TRMT2A: variants seen among roughly 807,000 people sequenced by gnomAD.
The protein encoded by TRMT2A is tRNA methyltransferase 2A, also known as tRNA (uracil-5-)-methyltransferase homolog A.
In TRMT2A, 60 loss-of-function variants were observed where a neutral mutation model predicts 59.3. The observed-to-expected ratio is 1.01, with a 90% CI of 0.82 to 1.26. The LOEUF is 1.26. TRMT2A is among the 50% of genes most tolerant of loss of function. The pLI is 0.00. For synonymous variants in TRMT2A, 403 were observed against 353.7 expected, an observed-to-expected ratio of 1.14 and a Z score of -1.56; for missense variants, 863 against 845.2, an observed-to-expected ratio of 1.02 and a Z score of -0.26.
At chr22:20,114,317 G>T (rs771281962) in intron 7 of TRMT2A, among the ~76,000 whole-genome samples, 45 of 152,206 alleles carry the variant, frequency 3.0e-4, no homozygotes, top group Admixed American at 5.2e-4. Context: ...CGAGCCCAGA[G>T]CAGTGCCCTG....
At position 20,115,799 on chromosome 22, in the gene TRMT2A, G is replaced by A. The variant is rs1432387987; in HGVS notation, c.600-19C>T. ...GATTTCCCTGTAAGAGGAGCAGATC[G>A]GTGGTTGGACTCCACCTACTGCCCC... On this transcript the variant is annotated intron_variant, in intron 2 of 11. Coordinates refer to ENST00000252136, the MANE Select transcript of TRMT2A (RefSeq NM_022727.6). 6 of 1,596,220 alleles carry A rather than the reference G, an allele frequency of 3.8e-6. No homozygotes were observed. In the South Asian group the frequency reaches 4.4e-5, roughly 12 times the overall value.
chr22:20,117,061 C>A lies in TRMT2A; in HGVS notation c.-155G>T. ...GTGCAACGCCGCGAGGTCGCCGCCACCCCCGGCTTCGCCCCAGGCGGGGCG... is the reference window on the plus strand; with the variant it reads ...GTGCAACGCCGCGAGGTCGCCGCCAACCCCGGCTTCGCCCCAGGCGGGGCG... On this transcript the variant is annotated 5_prime_UTR_variant, in exon 1 of 12. Coordinates refer to ENST00000252136, the MANE Select transcript of TRMT2A (RefSeq NM_022727.6). The A allele has an allele frequency of 1.0e-6, 1 of 974,738 alleles. No homozygotes were observed. The highest frequency in any genetic ancestry group is 2.7e-5 in the East Asian group (1 of 37,582). 60.4% of individuals were successfully genotyped at this position (974,738 alleles called of 1,614,324 possible).
rs759044330 is a variant in TRMT2A at position 20,116,401 on chromosome 22, T to G, written c.236A>C (p.Asn79Thr). 6.2e-7 allele frequency: 1 copy of G among 1,611,864 alleles called. No individual in the cohort carries two copies. Among genetic ancestry groups the G allele is most frequent in the Non-Finnish European group, 8.5e-7 (1 of 1,179,032 alleles). Reference protein sequence around the residue: ...TSEIFKLELQNVPRHASFSDV... With the variant: ...TSEIFKLELQTVPRHASFSDV... ...GCTGAAGCTGGCGTGGCGAGGCACG[T>G]TCTGCAGCTCCAGTTTAAAGATCTC... Residue 79 changes from asparagine (N) to threonine (T), a missense_variant, in exon 2 of 12, where the codon AAC becomes ACC. Asn to Thr is a moderately conservative substitution (Grantham distance 65). Transcript: ENST00000252136.
chr22:20,115,694 C>G lies in TRMT2A; in HGVS notation c.686G>C (p.Gly229Ala), dbSNP rs748274270. The G allele has an allele frequency of 1.2e-6, 2 of 1,612,858 alleles. No individual in the cohort carries two copies. Among genetic ancestry groups the G allele is most frequent in the East Asian group, 4.5e-5 (2 of 44,892 alleles). Residue 229 changes from glycine (G) to alanine (A), a missense_variant, in exon 3 of 12, where the codon GGG (glycine) becomes GCG (alanine). Gly to Ala is a moderately conservative substitution (Grantham distance 60). Coordinates refer to ENST00000252136, the MANE Select transcript of TRMT2A (RefSeq NM_022727.6). ...GACCTGCTGGGGTGATGGCCTGACC[C>G]CCTCCAGCGGGCAGCAGGCCTTGTT... ...KHNKACCPLE[G>A]VRPSPQQTEY...
chr22:20,116,521 A>AGGGCTGCCG lies in TRMT2A; in HGVS notation c.107_115dup (p.Pro36_Ala38dup). On this transcript the variant is annotated inframe_insertion, in exon 2 of 12. Coordinates refer to ENST00000252136, the MANE Select transcript of TRMT2A (RefSeq NM_022727.6). ...AGCGCCCTCTTTCTCCACCTCCTCC[A>AGGGCTGCCG]GGGCTGCCGGGGCTGCAGGGGGCAC... The AGGGCTGCCG allele has an allele frequency of 6.2e-7, 1 of 1,610,366 alleles. No homozygotes were observed. The highest frequency in any genetic ancestry group is 1.3e-5 in the African/African-American group (1 of 74,918).
chr22:20,113,617 CTT>C, intron 8 of TRMT2A, 67 bp downstream of exon 8: 2 of 1,599,956 alleles, frequency 1.3e-6, no homozygotes, highest in Non-Finnish European at 1.7e-6. Flanking sequence ...GCTGTGGTGA[CTT>C]TGAGCTGGGG....
At position 20,115,671 on chromosome 22, in the gene TRMT2A, C is replaced by T; in HGVS notation, c.708+1G>A. 1 of 1,612,866 alleles carries T rather than the reference C, an allele frequency of 6.2e-7. No homozygotes were observed. The highest frequency in any genetic ancestry group is 8.5e-7 in the Non-Finnish European group (1 of 1,179,958). On this transcript the variant is annotated splice_donor_variant, in intron 3 of 11. Transcript: ENST00000252136. LOFTEE classifies it high-confidence loss of function. The stretch of plus-strand genomic sequence containing the variant: ...TTGTGGCCACCGAAGTCTAGTCTGA[C>T]CTGCTGGGGTGATGGCCTGACCCCC...
rs766239077 is a variant in TRMT2A at position 20,114,574 on chromosome 22, C to T, written c.1233G>A (p.Gln411=). 2 of 1,613,318 alleles carry T rather than the reference C, an allele frequency of 1.2e-6. No individual in the cohort carries two copies. Among genetic ancestry groups the T allele is most frequent in the East Asian group, 2.2e-5 (1 of 44,886 alleles). ...ATGCCCACCAGGGACTCATGGCTAC[C>T]TGGAAGAAGGCGTGTGGAGAGATCC... The part of the protein sequence containing the change: ...TFRISPHAFF[Q]VNTPAAEVLY... The change falls in exon 7 of 12, where the codon CAG becomes CAA. Residue 411 remains glutamine (Q), a splice_region_variant and synonymous_variant. Coordinates refer to ENST00000252136, the MANE Select transcript of TRMT2A (RefSeq NM_022727.6).
At position 20,114,925 on chromosome 22, in the gene TRMT2A, T is replaced by C. The variant is rs1161759517; in HGVS notation, c.1005+40A>G. The C allele has an allele frequency of 8.9e-6, 14 of 1,568,468 alleles. No homozygotes were observed. In the East Asian group the frequency reaches 2.8e-4, roughly 32 times the overall value. On this transcript the variant is annotated intron_variant, in intron 5 of 11. Transcript: ENST00000252136. ...CCATCAGGCTGTGCTGAGGCCCACC[T>C]AGGCTAGGCACCCTCCCCCAGCAGG...
chr22:20,113,868 C>G, intron 7 of TRMT2A, 60 bp from the exon 8 acceptor site: 1 of 1,490,982 alleles, frequency 6.7e-7, no homozygotes. Flanking sequence ...CACTGGTGCC[C>G]CGACGCCCAC....
chr22:20,116,413 A>C lies in TRMT2A; in HGVS notation c.224T>G (p.Leu75Arg). 6.2e-7 allele frequency: 1 copy of C among 1,611,858 alleles called. No individual in the cohort carries two copies. Among genetic ancestry groups the C allele is most frequent in the Non-Finnish European group, 8.5e-7 (1 of 1,179,026 alleles). ...GTGGCGAGGCACGTTCTGCAGCTCCAGTTTAAAGATCTCAGAGGTAAACAA... is the reference window on the plus strand; with the variant it reads ...GTGGCGAGGCACGTTCTGCAGCTCCCGTTTAAAGATCTCAGAGGTAAACAA... ...DDLFTSEIFK[L>R]ELQNVPRHAS... The change falls in exon 2 of 12, where the codon CTG (leucine) becomes CGG (arginine). Residue 75 changes from leucine (L) to arginine (R), a missense_variant. Transcript: ENST00000252136.
Position 20,115,065 on chromosome 22 carries a change from G to A in TRMT2A, c.905C>T (p.Ser302Leu), listed in dbSNP as rs777620618. The A allele has an allele frequency of 4.4e-6, 7 of 1,591,886 alleles. No individual in the cohort carries two copies. Among genetic ancestry groups the A allele is most frequent in the South Asian group, 1.1e-5 (1 of 88,320 alleles). Residue 302 changes from serine (S) to leucine (L), a missense_variant, in exon 5 of 12, where the codon TCG (serine) becomes TTG (leucine). Ser to Leu is a moderately radical substitution (Grantham distance 145, BLOSUM62 -2). Coordinates refer to ENST00000252136, the MANE Select transcript of TRMT2A (RefSeq NM_022727.6). ...TGTGTACGTCTCTGGGTCGTATGCCGAGTATGGAGTGGACCTGTGGGAATC... is the reference window on the plus strand; with the variant it reads ...TGTGTACGTCTCTGGGTCGTATGCCAAGTATGGAGTGGACCTGTGGGAATC... ...FQEFIRSTPY[S>L]AYDPETYTGH...
chr22:20,113,736 C>G lies in TRMT2A; in HGVS notation c.1306G>C (p.Val436Leu). 1 of 1,608,308 alleles carries G rather than the reference C, an allele frequency of 6.2e-7. No individual in the cohort carries two copies. The part of the protein sequence containing the change: ...DWAQLDAGSM[V>L]LDVCCGTGTI... ...CCGGTGCCACAGCACACGTCCAGCA[C>G]CATGCTCCCCGCATCCAATTGGGCC... The change falls in exon 8 of 12, where the codon GTG (valine) becomes CTG (leucine). Residue 436 changes from valine to leucine, a missense_variant. Val to Leu is a conservative substitution (Grantham distance 32, BLOSUM62 1). Coordinates refer to ENST00000252136, the MANE Select transcript of TRMT2A (RefSeq NM_022727.6).
intron 5 of TRMT2A, 29 bp downstream of exon 5, chr22:20,114,936 C>G (rs781332087): frequency 4.5e-6 from 7 of 1,570,606 alleles, no homozygotes; most frequent in Non-Finnish European, 6.0e-6. Context: ...AGGCTAGGCA[C>G]CCTCCCCCAG....
In TRMT2A at chr22:20,112,940, G is replaced by T; in HGVS notation, c.1617C>A (p.Asn539Lys). 2 of 1,613,756 alleles carry T rather than the reference G, an allele frequency of 1.2e-6. No homozygotes were observed. The highest frequency in any genetic ancestry group is 1.7e-6 in the Non-Finnish European group (2 of 1,179,950). ...NLRRLLYVSCNPRAAMGNFVD... is the reference protein window; with the variant it reads ...NLRRLLYVSCKPRAAMGNFVD... ...CAAAGTTGCCCATGGCTGCCCGGGGGTTGCATGAGACGTACAGCAGCCGCC... is the reference window on the plus strand; with the variant it reads ...CAAAGTTGCCCATGGCTGCCCGGGGTTTGCATGAGACGTACAGCAGCCGCC... Residue 539 changes from asparagine to lysine, a missense_variant, in exon 11 of 12, where the codon AAC (asparagine) becomes AAA (lysine). Physicochemically the swap from Asn to Lys is moderately conservative, Grantham distance 94. Coordinates refer to ENST00000252136, the MANE Select transcript of TRMT2A (RefSeq NM_022727.6).
chr22:20,115,474 C>A (rs1230353055), intron 3 of TRMT2A, 27 bp from the exon 4 acceptor site: 1 of 1,591,184 alleles, frequency 6.3e-7, no homozygotes, highest in Non-Finnish European at 8.6e-7. Context: ...CTGCACCTTA[C>A]CCTGGCTGCC....
chr22:20,114,558 A>G lies in TRMT2A; in HGVS notation c.1233+16T>C, dbSNP rs1568971095. Reference sequence around the variant, plus strand: ...CCCTCAACATGTCCCCATGCCCACCAGGGACTCATGGCTACCTGGAAGAAG... The same window carrying G: ...CCCTCAACATGTCCCCATGCCCACCGGGGACTCATGGCTACCTGGAAGAAG... On this transcript the variant is annotated intron_variant, in intron 7 of 11. Coordinates refer to ENST00000252136, the MANE Select transcript of TRMT2A (RefSeq NM_022727.6). The G allele has an allele frequency of 6.2e-7, 1 of 1,604,622 alleles. No homozygotes were observed. Among genetic ancestry groups the G allele is most frequent in the East Asian group, 2.2e-5 (1 of 44,834 alleles).
rs1602509468 is a variant in TRMT2A at position 20,113,420 on chromosome 22, C to T, written c.1432+12G>A. 11 of 1,599,608 alleles carry T rather than the reference C, an allele frequency of 6.9e-6. No individual in the cohort carries two copies. The East Asian group carries it at 2.0e-4, about 29-fold the overall frequency. ...CCCCATCCCCACCCCCACCCACGGC[C>T]TTGCCACTCACCATTGTCCTGGGCG... On this transcript the variant is annotated intron_variant, in intron 9 of 11. Coordinates refer to ENST00000252136, the MANE Select transcript of TRMT2A (RefSeq NM_022727.6).
At position 20,116,451 on chromosome 22, in the gene TRMT2A, G is replaced by A. The variant is rs764838784; in HGVS notation, c.186C>T (p.Tyr62=). Residue 62 remains tyrosine (Y), a synonymous_variant, in exon 2 of 12, where the codon TAC becomes TAT. Transcript: ENST00000252136. ...GPGPQPGLYS[Y]IRDDLFTSEI... Reference sequence around the variant, plus strand: ...CAGAGGTAAACAAGTCATCCCTGATGTAGCTGTAGAGCCCGGGCTGAGGCC... The same window carrying A: ...CAGAGGTAAACAAGTCATCCCTGATATAGCTGTAGAGCCCGGGCTGAGGCC... The A allele has an allele frequency of 1.2e-6, 2 of 1,612,756 alleles. No individual in the cohort carries two copies. Among genetic ancestry groups the A allele is most frequent in the South Asian group, 1.1e-5 (1 of 91,080 alleles).
Sources: allele counts gnomAD v4.1 joint callset (sites outside exome capture counted in the v4.1 genomes callset), GRCh38; gene constraint gnomAD v4.1.1; transcripts MANE v1.5; gene names NCBI Gene and HGNC (gene_info 2026-07-23, HGNC 2026-07-21).